The following SPEF2 variants were observed in gnomAD, a reference collection of about 807,000 sequenced individuals.
SPEF2 encodes the protein sperm flagella and cilia-associated protein 2.
In SPEF2, 187 loss-of-function variants were observed where a neutral mutation model predicts 224.6. That is an observed-to-expected ratio of 0.83 (90% CI 0.74 to 0.94). SPEF2 has a LOEUF of 0.94. Ranked by LOEUF, SPEF2 falls within the 40% of genes least tolerant of loss-of-function variation. The pLI, the probability that SPEF2 is intolerant of heterozygous loss-of-function variation, is 0.00. For missense variants in SPEF2, 2,170 were observed against 2,135.6 expected (o/e 1.02, Z -0.32); for synonymous variants, 715 against 707.3 (o/e 1.01, Z -0.17).
chr5:35,791,177 A>C (rs1755897661), intron 30 of SPEF2: 2 of 152,336 alleles, frequency 1.3e-5, no homozygotes, highest in African/African-American at 2.4e-5. Context: ...AAATTCTGCT[A>C]TCTGGGAAAA....
intron 21 of SPEF2, among the ~76,000 whole-genome samples, chr5:35,732,407 C>CT (rs113944274): frequency 0.037 from 5,681 of 152,022 alleles, 282 homozygotes; most frequent in African/African-American, 0.11. Flanking sequence ...ATGGATATCA[C>CT]TTTTTTTAAG....
Position 35,694,290 on chromosome 5 carries a change from T to G in SPEF2, c.1902T>G (p.Asp634Glu). The change falls in exon 13 of 37, where the codon GAT becomes GAG. Residue 634 changes from aspartate to glutamate, a missense_variant and splice_region_variant. Physicochemically the swap from Asp to Glu is conservative, Grantham distance 45. Coordinates refer to ENST00000356031, the MANE Select transcript of SPEF2 (RefSeq NM_024867.4). ...VLQEEIKESQ[D>E]PQHVFSAGPV... Reference sequence around the variant, plus strand: ...CTATGTGTGTTTTCTCTCCAAAGGATCCACAACATGTATTTTCAGCTGGTC... The same window carrying G: ...CTATGTGTGTTTTCTCTCCAAAGGAGCCACAACATGTATTTTCAGCTGGTC... The G allele has an allele frequency of 6.2e-7, 1 of 1,613,384 alleles. No individual in the cohort carries two copies. The highest frequency in any genetic ancestry group is 8.5e-7 in the Non-Finnish European group (1 of 1,179,592).
At chr5:35,655,078 G>A (rs527938348) in intron 7 of SPEF2, among the ~76,000 whole-genome samples, 1 of 152,294 alleles carries the variant, frequency 6.6e-6, no homozygotes, top group East Asian at 1.9e-4. Flanking sequence ...AGAGGAAAAA[G>A]GGAATGGTTT....
rs1407274813 is a variant in SPEF2, at chr5:35,786,944, C to T, written c.4448-5396C>T. The stretch of plus-strand genomic sequence containing the variant: ...ATATGTCATGAAATATTTTAATAAA[C>T]ACATATATTCAATTTTTTATTATAT... On this transcript the variant is annotated intron_variant, in intron 30 of 36. Coordinates refer to ENST00000356031, the MANE Select transcript of SPEF2 (RefSeq NM_024867.4). Among the ~76,000 whole-genome samples the T allele has an allele frequency of 2.0e-5, 3 of 152,094 alleles. No homozygotes were observed. In the East Asian group the frequency reaches 5.8e-4, roughly 29 times the overall value.
At chr5:35,660,969 C>T (rs1048250087) in intron 8 of SPEF2, among the ~76,000 whole-genome samples, 8 of 152,124 alleles carry the variant, frequency 5.3e-5, no homozygotes, top group African/African-American at 1.9e-4. Flanking sequence ...CCTTTTCCAA[C>T]AGCGGAGCTA....
chr5:35,787,078 A>G (rs1390771385), intron 30 of SPEF2, among the ~76,000 whole-genome samples: 2 of 152,174 alleles, frequency 1.3e-5, no homozygotes, highest in East Asian at 1.9e-4. Flanking sequence ...CTGGTATTTG[A>G]GGACTTTGTT....
Position 35,712,819 on chromosome 5 carries a change from G to C in SPEF2, c.2847G>C (p.Pro949=), listed in dbSNP as rs377415900. The C allele has an allele frequency of 6.2e-7, 1 of 1,613,688 alleles. No homozygotes were observed. The highest frequency in any genetic ancestry group is 2.2e-5 in the East Asian group (1 of 44,860). Residue 949 remains proline, a synonymous_variant, in exon 20 of 37, where the codon CCG becomes CCC. Coordinates refer to ENST00000356031, the MANE Select transcript of SPEF2 (RefSeq NM_024867.4). ...GTGTCGAATTTTGTTTAGAAGCCCC[G>C]CATGGTAAGCAAGAATCTCTTCAGG... ...TAKGKPQSEA[P]HGKQESLQEG...
At chr5:35,784,252 G>A (rs372640294) in intron 30 of SPEF2, among the ~76,000 whole-genome samples, 3 of 151,426 alleles carry the variant, frequency 2.0e-5, no homozygotes, top group Non-Finnish European at 2.9e-5. Context: ...CTCAGCCTCC[G>A]GAGTAGCTGG....
chr5:35,712,749 A>ATCATATAGCCCAGGCTATTG (rs1262896564), intron 19 of SPEF2, 63 bp from the exon 20 acceptor site: 1 of 1,519,886 alleles, frequency 6.6e-7, no homozygotes, highest in African/African-American at 1.4e-5. Flanking sequence ...CTTGCTTACA[A>ATCATATAGCCCAGGCTATTG]TCATATAGCC....
intron 16 of SPEF2, 133 bp from the exon 17 acceptor site, chr5:35,704,421 T>G (rs2149574747): frequency 1.8e-6 from 1 of 562,192 alleles, no homozygotes; most frequent in Non-Finnish European, 3.2e-6. Flanking sequence ...TCAACATCTT[T>G]TAAAATATTT....
intron 8 of SPEF2, among the ~76,000 whole-genome samples, chr5:35,661,657 A>G (rs1311033058): frequency 6.6e-6 from 1 of 152,152 alleles, no homozygotes; most frequent in Non-Finnish European, 1.5e-5. Flanking sequence ...GCTTCCACTT[A>G]TAAGTGAGAA....
intron 21 of SPEF2, among the ~76,000 whole-genome samples, chr5:35,730,509 T>TGACA (rs781772993): frequency 4.6e-5 from 7 of 152,388 alleles, no homozygotes; most frequent in Admixed American, 2.0e-4. Flanking sequence ...TTCAGGAGGC[T>TGACA]GACAGACATA....
At chr5:35,769,107 T>C (rs1752457333) in intron 26 of SPEF2, among the ~76,000 whole-genome samples, 1 of 152,068 alleles carries the variant, frequency 6.6e-6, no homozygotes, top group Non-Finnish European at 1.5e-5. Flanking sequence ...AACCCAGAGG[T>C]CTTTGAGGGA....
intron 6 of SPEF2, among the ~76,000 whole-genome samples, chr5:35,650,578 T>C (rs1249632706): frequency 6.6e-6 from 1 of 152,200 alleles, no homozygotes; most frequent in Non-Finnish European, 1.5e-5. Flanking sequence ...TGAATGCTAC[T>C]TTCTGTAGCT....
At chr5:35,655,082 A>C (rs1748777049) in intron 7 of SPEF2, among the ~76,000 whole-genome samples, 2 of 152,230 alleles carry the variant, frequency 1.3e-5, no homozygotes, top group Non-Finnish European at 2.9e-5. Flanking sequence ...GAAAAAGGGA[A>C]TGGTTTAATG....
chr5:35,620,297 G>T (rs1743327232), intron 1 of SPEF2, among the ~76,000 whole-genome samples: 4 of 152,094 alleles, frequency 2.6e-5, no homozygotes, highest in Admixed American at 2.6e-4. Flanking sequence ...GCAACCTCTG[G>T]GGAAAGTAAT....
intron 24 of SPEF2, 104 bp downstream of exon 24, chr5:35,753,865 C>CCTG: frequency 7.0e-7 from 1 of 1,423,552 alleles, no homozygotes; most frequent in Non-Finnish European, 9.7e-7. Context: ...CTGTTCAGGG[C>CCTG]TCATTTTGGT....
chr5:35,700,025 T>A (rs1006388656), intron 15 of SPEF2: 1 of 159,800 alleles, frequency 6.3e-6, no homozygotes, highest in African/African-American at 2.4e-5. Context: ...TAGTGAATGG[T>A]CTCACAAGAT....
chr5:35,680,695 G>T (rs917851297), intron 10 of SPEF2, among the ~76,000 whole-genome samples: 1 of 152,296 alleles, frequency 6.6e-6, no homozygotes, highest in Admixed American at 6.5e-5. Flanking sequence ...TGGAAGGGAT[G>T]AAATTCAGTT....
Sources: allele counts gnomAD v4.1 joint callset (sites outside exome capture counted in the v4.1 genomes callset), GRCh38; gene constraint gnomAD v4.1.1; transcripts MANE v1.5; gene names NCBI Gene and HGNC (gene_info 2026-07-23, HGNC 2026-07-21).